NSRP1: variants seen among roughly 807,000 people sequenced by gnomAD.
NSRP1 encodes the protein nuclear speckle splicing regulatory protein 1, also known as coiled-coil domain containing 55.
Under a neutral mutation model 54.7 loss-of-function variants are expected in NSRP1, and 24 were observed. That is an observed-to-expected ratio of 0.44 (90% CI 0.32 to 0.62). NSRP1 has a LOEUF of 0.62. Ranked by LOEUF, NSRP1 falls within the 20% of genes least tolerant of loss-of-function variation. The pLI is 0.06. For synonymous variants in NSRP1, 210 were observed against 213.8 expected (o/e 0.98, Z 0.15); for missense variants, 596 against 651.2 (o/e 0.92, Z 0.92).
chr17:30,185,575 G>C lies in NSRP1; in HGVS notation c.1578G>C (p.Arg526=). The change falls in exon 7 of 7, where the codon CGG becomes CGC. Residue 526 remains arginine, a synonymous_variant. Transcript: ENST00000247026. ...AGGCAGTGAGCAAGTTTGCAAAGCGGAACAATGAAGAAACTGTAATGTCAG... is the reference window on the plus strand; with the variant it reads ...AGGCAGTGAGCAAGTTTGCAAAGCGCAACAATGAAGAAACTGTAATGTCAG... ...PPEAVSKFAK[R]NNEETVMSAR... 6.2e-7 allele frequency: 1 copy of C among 1,614,148 alleles called. No homozygotes were observed. Among genetic ancestry groups the C allele is most frequent in the South Asian group, 1.1e-5 (1 of 91,068 alleles).
chr17:30,172,460 TG>T, intron 2 of NSRP1, 81 bp from the exon 3 acceptor site: 1 of 1,020,484 alleles, frequency 9.8e-7, no homozygotes, highest in Non-Finnish European at 1.4e-6. Context: ...TCTGGTCCCA[TG>T]TATTTTAGAT....
intron 2 of NSRP1, among the ~76,000 whole-genome samples, chr17:30,127,347 A>G (rs1470166177): frequency 6.6e-6 from 1 of 152,200 alleles, no homozygotes. Context: ...ACAATGGTAT[A>G]CTTGTGAAAT....
At chr17:30,121,567 T>G (rs1597591247) in intron 2 of NSRP1, among the ~76,000 whole-genome samples, 1 of 139,884 alleles carries the variant, frequency 7.1e-6, no homozygotes, top group Admixed American at 6.9e-5. Context: ...CGTGTGTGTG[T>G]GTGTTTTTTT....
At chr17:30,159,351 GTT>G (rs577028666) in intron 2 of NSRP1, among the ~76,000 whole-genome samples, 1 of 151,682 alleles carries the variant, frequency 6.6e-6, no homozygotes. Flanking sequence ...GTTTTAAGAG[GTT>G]TTTTTTGTGT....
chr17:30,158,707 A>C (rs1334051947), intron 2 of NSRP1, among the ~76,000 whole-genome samples: 1 of 152,124 alleles, frequency 6.6e-6, no homozygotes, highest in African/African-American at 2.4e-5. Context: ...AGCACCATTT[A>C]TTGAAGAGGG....
intron 2 of NSRP1, among the ~76,000 whole-genome samples, chr17:30,159,967 A>T (rs988824766): frequency 1.2e-4 from 18 of 152,082 alleles, no homozygotes; most frequent in Admixed American, 4.6e-4. Context: ...CGGCCAAGGT[A>T]TGTTTTTTCT....
Position 30,119,095 on chromosome 17 carries a change from C to CT in NSRP1, c.114+933dup, listed in dbSNP as rs945158662. Among the ~76,000 whole-genome samples the CT allele has an allele frequency of 1.1e-3, 156 of 142,640 alleles. 1 individual carries two copies. The highest frequency in any genetic ancestry group is 1.5e-3 in the Non-Finnish European group (96 of 64,724). 93.6% of individuals were successfully genotyped at this position (142,640 alleles called of 152,430 possible). ...CCATCATGTTTTAATATTTTTTTTTCTTTTTTTTTTTGAGACAGAGTTTCG... is the reference window on the plus strand; with the variant it reads ...CCATCATGTTTTAATATTTTTTTTTCTTTTTTTTTTTTGAGACAGAGTTTCG... On this transcript the variant is annotated intron_variant, in intron 2 of 6. Transcript: ENST00000247026.
chr17:30,185,018 A>G lies in NSRP1; in HGVS notation c.1021A>G (p.Arg341Gly), dbSNP rs766405951. Reference protein sequence around the residue: ...HYTDRDYRKERDSHRHREASH... With the variant: ...HYTDRDYRKEGDSHRHREASH... ...CACTGACCGTGATTACCGGAAAGAA[A>G]GGGATTCTCATAGGCACAGAGAGGC... The change falls in exon 7 of 7, where the codon AGG becomes GGG. Residue 341 changes from arginine to glycine, a missense_variant. Transcript: ENST00000247026. The G allele has an allele frequency of 2.5e-6, 4 of 1,614,188 alleles. No homozygotes were observed. Among genetic ancestry groups the G allele is most frequent in the Non-Finnish European group, 3.4e-6 (4 of 1,180,044 alleles).
At chr17:30,127,024 A>G (rs2071656101) in intron 2 of NSRP1, among the ~76,000 whole-genome samples, 1 of 152,244 alleles carries the variant, frequency 6.6e-6, no homozygotes, top group Admixed American at 6.5e-5. Context: ...GAAAGCAGCC[A>G]TTAGGCAATA....
At chr17:30,179,011 A>C in intron 4 of NSRP1, 79 bp from the exon 5 acceptor site, 1 of 832,402 alleles carries the variant, frequency 1.2e-6, no homozygotes, top group Non-Finnish European at 1.7e-6. Flanking sequence ...TTTCTATCTT[A>C]ATGAATTCAT....
chr17:30,136,244 A>G (rs182701628), intron 2 of NSRP1, among the ~76,000 whole-genome samples: 1 of 152,330 alleles, frequency 6.6e-6, no homozygotes, highest in East Asian at 1.9e-4. Flanking sequence ...CACTGACATA[A>G]AATGGCTCAT....
intron 2 of NSRP1, among the ~76,000 whole-genome samples, chr17:30,162,155 G>A (rs919281137): frequency 1.3e-4 from 20 of 151,750 alleles, no homozygotes; most frequent in Admixed American, 6.6e-5. Context: ...CTCCCAAGTA[G>A]CTGGGACTAC....
Position 30,179,307 on chromosome 17 carries a change from AAG to A in NSRP1, c.508+13_508+14del, listed in dbSNP as rs775415793. 5.8e-6 allele frequency: 9 copies of A among 1,559,720 alleles called. No homozygotes were observed. The Admixed American group carries it at 1.4e-4, about 24-fold the overall frequency. On this transcript the variant is annotated intron_variant, in intron 5 of 6. Coordinates refer to ENST00000247026, the MANE Select transcript of NSRP1 (RefSeq NM_032141.4). Reference sequence around the variant, plus strand: ...GCTGCTGCACTGGAAGGTAAAATGAAAGAGTGGGAAAGGCACAAGGAAACAGT... The same window carrying A: ...GCTGCTGCACTGGAAGGTAAAATGAAAGTGGGAAAGGCACAAGGAAACAGT...
chr17:30,136,236 C>G (rs1178098069), intron 2 of NSRP1, among the ~76,000 whole-genome samples: 1 of 152,162 alleles, frequency 6.6e-6, no homozygotes, highest in Non-Finnish European at 1.5e-5. Flanking sequence ...GCTTTCCCCA[C>G]TGACATAAAA....
At position 30,184,618 on chromosome 17, in the gene NSRP1, T is replaced by G; in HGVS notation, c.621T>G (p.Ser207=). The G allele has an allele frequency of 6.5e-7, 1 of 1,539,980 alleles. No individual in the cohort carries two copies. Among genetic ancestry groups the G allele is most frequent in the Non-Finnish European group, 8.7e-7 (1 of 1,145,266 alleles). ...VPKCSFREAR[S]GIKEEKSRGF... ...TTTTTTGTTTTTTGTTTCTAAGATC[T>G]GGTATAAAGGAAGAAAAATCAAGGG... Residue 207 remains serine (S), a synonymous_variant, in exon 7 of 7, where the codon TCT becomes TCG. Coordinates refer to ENST00000247026, the MANE Select transcript of NSRP1 (RefSeq NM_032141.4).
intron 2 of NSRP1, among the ~76,000 whole-genome samples, chr17:30,167,253 GTA>G (rs1367403042): frequency 6.6e-6 from 1 of 152,076 alleles, no homozygotes; most frequent in African/African-American, 2.4e-5. Flanking sequence ...ATTCTGTTGT[GTA>G]TGTATACTGT....
intron 2 of NSRP1, among the ~76,000 whole-genome samples, chr17:30,171,386 A>G (rs1189915279): frequency 6.6e-6 from 1 of 150,510 alleles, no homozygotes; most frequent in Non-Finnish European, 1.5e-5. Context: ...GCTCACTGCA[A>G]CATCTGCCTC....
intron 2 of NSRP1, among the ~76,000 whole-genome samples, chr17:30,131,215 T>C (rs190572970): frequency 2.3e-4 from 35 of 152,362 alleles, no homozygotes; most frequent in African/African-American, 7.5e-4. Context: ...ATTTATTAGC[T>C]CTATTGGTGT....
In NSRP1 at chr17:30,185,047, T is replaced by C; in HGVS notation, c.1050T>C (p.Ser350=). The change falls in exon 7 of 7, where the codon AGT becomes AGC. Residue 350 remains serine, a synonymous_variant. Transcript: ENST00000247026. ...ERDSHRHREA[S]HRDSHWKRHE... is the part of the protein sequence containing the mutation. ...ATTCTCATAGGCACAGAGAGGCCAG[T>C]CATAGAGATTCCCATTGGAAGAGGC... 3.1e-6 allele frequency: 5 copies of C among 1,613,908 alleles called. No individual in the cohort carries two copies. Among genetic ancestry groups the C allele is most frequent in the Admixed American group, 1.7e-5 (1 of 59,958 alleles).
Sources: gnomAD v4.1 joint callset for allele counts (sites outside exome capture counted in the v4.1 genomes callset) on GRCh38, gnomAD v4.1.1 for gene constraint, MANE v1.5 for transcripts, NCBI Gene and HGNC (gene_info 2026-07-23, HGNC 2026-07-21) for gene names.